TRPM3: variants seen among roughly 807,000 people sequenced by gnomAD.
The protein encoded by TRPM3 is transient receptor potential cation channel subfamily M member 3.
In TRPM3, 77 loss-of-function variants were observed where a neutral mutation model predicts 181.2. That is an observed-to-expected ratio of 0.42 (90% CI 0.35 to 0.51). The LOEUF (loss-of-function observed/expected upper bound fraction) is 0.51. Ranked by LOEUF, TRPM3 falls within the 20% of genes least tolerant of loss-of-function variation. The pLI is 0.01. For missense variants in TRPM3, 1,759 were observed against 2,196.7 expected (o/e 0.80, Z 3.98); for synonymous variants, 745 against 796.4 (o/e 0.94, Z 1.09).
At chr9:71,430,806 A>AT (rs888607847) in intron 1 of TRPM3, among the ~76,000 whole-genome samples, 3 of 151,912 alleles carry the variant, frequency 2.0e-5, no homozygotes, top group African/African-American at 7.2e-5. Context: ...GCGAGACTCC[A>AT]TTTTAAAAAA....
intron 1 of TRPM3, among the ~76,000 whole-genome samples, chr9:70,942,745 C>A (rs1030280904): frequency 2.6e-5 from 4 of 152,114 alleles, no homozygotes; most frequent in African/African-American, 9.7e-5. Flanking sequence ...AAACCATTAA[C>A]CTCTGTGGAT....
chr9:71,008,877 A>AT (rs1478382987), intron 1 of TRPM3, among the ~76,000 whole-genome samples: 1 of 152,254 alleles, frequency 6.6e-6, no homozygotes, highest in Non-Finnish European at 1.5e-5. Context: ...AACCTTTACC[A>AT]TGTCAATTGG....
intron 1 of TRPM3, among the ~76,000 whole-genome samples, chr9:71,283,472 AT>A (rs532661760): frequency 9.1e-4 from 132 of 145,590 alleles, no homozygotes; most frequent in Admixed American, 3.1e-3. Flanking sequence ...GATTTTTTGC[AT>A]TTTTTTTTTC....
At chr9:71,074,602 C>T (rs2063203426) in intron 1 of TRPM3, among the ~76,000 whole-genome samples, 1 of 152,158 alleles carries the variant, frequency 6.6e-6, no homozygotes, top group South Asian at 2.1e-4. Context: ...GCTTCAGGTA[C>T]TTTTCTATCT....
intron 1 of TRPM3, among the ~76,000 whole-genome samples, chr9:71,257,751 C>G (rs556911762): frequency 7.2e-5 from 11 of 152,238 alleles, no homozygotes; most frequent in African/African-American, 2.2e-4. Flanking sequence ...TCCATGTATA[C>G]TGATTTTTAA....
intron 1 of TRPM3, among the ~76,000 whole-genome samples, chr9:71,168,023 T>C (rs1587745094): frequency 6.6e-6 from 1 of 152,288 alleles, no homozygotes; most frequent in East Asian, 1.9e-4. Flanking sequence ...GGAAGAACTG[T>C]TATTATCTTA....
chr9:71,069,573 G>GAAT (rs1554818164), intron 1 of TRPM3, among the ~76,000 whole-genome samples: 2 of 151,858 alleles, frequency 1.3e-5, no homozygotes, highest in East Asian at 3.9e-4. Flanking sequence ...GGACAGGTAG[G>GAAT]AATAGGAGGG....
intron 1 of TRPM3, among the ~76,000 whole-genome samples, chr9:71,112,758 A>T (rs1019931933): frequency 1.3e-5 from 2 of 152,226 alleles, no homozygotes; most frequent in Non-Finnish European, 2.9e-5. Flanking sequence ...TGCTAAAAGT[A>T]AAGCTAGAAA....
At chr9:71,230,812 T>G (rs1349563120) in intron 1 of TRPM3, among the ~76,000 whole-genome samples, 1 of 152,228 alleles carries the variant, frequency 6.6e-6, no homozygotes, top group Non-Finnish European at 1.5e-5. Context: ...CAGTCAAGCT[T>G]ACAAGACTTC....
chr9:71,035,044 C>G (rs2058026947), intron 1 of TRPM3, among the ~76,000 whole-genome samples: 1 of 152,022 alleles, frequency 6.6e-6, no homozygotes, highest in Non-Finnish European at 1.5e-5. Context: ...GTAACTAATC[C>G]CATCCTGTTG....
chr9:71,343,575 A>T (rs1463675685), intron 1 of TRPM3, among the ~76,000 whole-genome samples: 11 of 152,180 alleles, frequency 7.2e-5, no homozygotes, highest in African/African-American at 2.4e-4. Context: ...ATCCTGTGAG[A>T]TTGGCTTGAA....
At chr9:71,061,900 G>C (rs1161379234) in intron 1 of TRPM3, among the ~76,000 whole-genome samples, 2 of 151,990 alleles carry the variant, frequency 1.3e-5, no homozygotes, top group African/African-American at 4.8e-5. Flanking sequence ...TGGACCCAAG[G>C]GGAGAGGGGT....
At chr9:70,961,445 T>TACCTGTCTCTCCTCATCTCCC (rs2097135945) in intron 1 of TRPM3, among the ~76,000 whole-genome samples, 1 of 152,186 alleles carries the variant, frequency 6.6e-6, no homozygotes, top group African/African-American at 2.4e-5. Flanking sequence ...ACTCATCTTC[T>TACCTGTCTCTCCTCATCTCCC]ACCTGTCTCT....
upstream of TRPM3, among the ~76,000 whole-genome samples, chr9:71,123,412 A>G (rs1314886638): frequency 6.6e-6 from 1 of 152,170 alleles, no homozygotes; most frequent in Non-Finnish European, 1.5e-5. Flanking sequence ...TTATCCGTAC[A>G]ATGGAGATTA....
chr9:71,379,481 G>C (rs2092743401), intron 1 of TRPM3, among the ~76,000 whole-genome samples: 1 of 151,978 alleles, frequency 6.6e-6, no homozygotes, highest in Non-Finnish European at 1.5e-5. Flanking sequence ...GCTATGATAA[G>C]ACACATAAAT....
chr9:71,134,674 A>G (rs1046500896), intron 1 of TRPM3, among the ~76,000 whole-genome samples: 2 of 152,150 alleles, frequency 1.3e-5, no homozygotes, highest in Non-Finnish European at 2.9e-5. Flanking sequence ...GCATAATTCA[A>G]TGTGGCAGTG....
At chr9:70,959,944 T>C (rs945688) in intron 1 of TRPM3, among the ~76,000 whole-genome samples, 117,600 of 152,066 alleles carry the variant, frequency 0.77, 45,873 homozygotes, top group African/African-American at 0.84. Flanking sequence ...CCTAGATAAG[T>C]AACTATACTG....
chr9:71,008,077 T>A (rs1167670348), intron 1 of TRPM3, among the ~76,000 whole-genome samples: 1 of 151,834 alleles, frequency 6.6e-6, no homozygotes, highest in Non-Finnish European at 1.5e-5. Flanking sequence ...AAACTAGAGA[T>A]GAAGGAGACA....
At chr9:70,620,403 A>G (rs781189042) in intron 15 of TRPM3, 38 bp from the exon 16 acceptor site, 13 of 1,571,956 alleles carry the variant, frequency 8.3e-6, no homozygotes, top group Non-Finnish European at 1.1e-5. Context: ...TGAGTTAGAA[A>G]TGAATTGGTT....
Sources: allele counts gnomAD v4.1 joint callset (sites outside exome capture counted in the v4.1 genomes callset), GRCh38; gene constraint gnomAD v4.1.1; transcripts MANE v1.5; gene names NCBI Gene and HGNC (gene_info 2026-07-23, HGNC 2026-07-21).